The following ANO3 variants were observed in gnomAD, a reference collection of about 807,000 sequenced individuals.
The protein encoded by ANO3 is anoctamin 3, also known as anoctamin-3.
In ANO3, 99 loss-of-function variants were observed where a neutral mutation model predicts 144.8. The ratio of observed to expected loss-of-function variants is 0.68; its 90% CI spans 0.58 to 0.81. The LOEUF (loss-of-function observed/expected upper bound fraction) is 0.81. Ranked by LOEUF, ANO3 falls within the 30% of genes least tolerant of loss-of-function variation. The pLI, the probability that ANO3 is intolerant of heterozygous loss-of-function variation, is 0.00. For synonymous variants in ANO3, 414 were observed against 392.6 expected (o/e 1.05, Z -0.64); for missense variants, 905 against 1,202.2 (o/e 0.75, Z 3.66).
Position 26,464,429 on chromosome 11 carries a change from G to A in ANO3, c.432+1281G>A, listed in dbSNP as rs560411055. The stretch of plus-strand genomic sequence containing the variant: ...AGAAATTAAGATGTTGTTTCTTAAT[G>A]TGCATATAGCACTGACTGGAAGACA... On this transcript the variant is annotated intron_variant, in intron 4 of 26. Coordinates refer to ENST00000256737, the MANE Select transcript of ANO3 (RefSeq NM_031418.4). 4.6e-5 allele frequency among the ~76,000 whole-genome samples: 7 copies of A among 151,866 alleles called. No individual in the cohort carries two copies. The South Asian group carries it at 1.4e-3, about 31-fold the overall frequency.
chr11:26,638,917 A>AT (rs1853055014), intron 20 of ANO3, among the ~76,000 whole-genome samples: 1 of 152,276 alleles, frequency 6.6e-6, no homozygotes, highest in Admixed American at 6.5e-5. Flanking sequence ...TAAAAGTTAG[A>AT]TTTTTTGTTA....
At position 26,416,935 on chromosome 11, in the gene ANO3, A is replaced by G. The variant is rs1375680640; in HGVS notation, c.47-24983A>G. 2.0e-5 allele frequency among the ~76,000 whole-genome samples: 3 copies of G among 152,086 alleles called. No homozygotes were observed. In the East Asian group the frequency reaches 5.8e-4, roughly 29 times the overall value. ...AGGTGTGGTCTAAATTGGCTAAACT[A>G]TCCTCTAATAGTTTTACTGTTTTCA... On this transcript the variant is annotated intron_variant, in intron 1 of 26. Transcript: ENST00000256737.
chr11:26,214,630 G>T (rs2133786324), intron 1 of ANO3, among the ~76,000 whole-genome samples: 1 of 151,798 alleles, frequency 6.6e-6, no homozygotes, highest in Non-Finnish European at 1.5e-5. Context: ...ACAGATTTAG[G>T]TTTACAGAAA....
intron 1 of ANO3, among the ~76,000 whole-genome samples, chr11:26,303,745 A>G (rs1312295089): frequency 6.6e-6 from 1 of 152,160 alleles, no homozygotes; most frequent in Non-Finnish European, 1.5e-5. Flanking sequence ...TTTTAGATGG[A>G]GTCTAGCACT....
At chr11:26,614,075 C>G (rs1458767560) in intron 17 of ANO3, among the ~76,000 whole-genome samples, 1 of 152,208 alleles carries the variant, frequency 6.6e-6, no homozygotes, top group African/African-American at 2.4e-5. Context: ...CTGTAGCAAG[C>G]TGTCCTGGGG....
chr11:26,464,240 G>C (rs408348), intron 4 of ANO3, among the ~76,000 whole-genome samples: 150,385 of 151,776 alleles, frequency 0.99, 74,514 homozygotes, highest in Middle Eastern at 1. Context: ...AATTGCATCA[G>C]TATTATGGGC....
chr11:26,597,917 TCTC>T (rs1237293222), intron 14 of ANO3, among the ~76,000 whole-genome samples: 1 of 152,210 alleles, frequency 6.6e-6, no homozygotes, highest in African/African-American at 2.4e-5. Flanking sequence ...TTTCTTTTCT[TCTC>T]CTTCACCACG....
At chr11:26,543,697 G>A (rs1849704195) in intron 11 of ANO3, among the ~76,000 whole-genome samples, 1 of 152,118 alleles carries the variant, frequency 6.6e-6, no homozygotes, top group Non-Finnish European at 1.5e-5. Context: ...CTATGAGTGA[G>A]AACATGTGGT....
intron 1 of ANO3, among the ~76,000 whole-genome samples, chr11:26,246,128 A>C (rs140460798): frequency 2.2e-3 from 328 of 152,260 alleles, no homozygotes; most frequent in Admixed American, 5.5e-3. Context: ...ACCTTAAGGC[A>C]TCTTCAGTTC....
intron 5 of ANO3, among the ~76,000 whole-genome samples, chr11:26,510,500 A>T (rs190131252): frequency 1.3e-5 from 2 of 152,194 alleles, no homozygotes; most frequent in South Asian, 4.1e-4. Context: ...TCTCCTCCAT[A>T]CAAATAGAAT....
chr11:26,358,772 T>C (rs1855851812), intron 1 of ANO3, among the ~76,000 whole-genome samples: 1 of 152,084 alleles, frequency 6.6e-6, no homozygotes, highest in Admixed American at 6.6e-5. Flanking sequence ...CCACTCATGC[T>C]CTTTTTAAAA....
At chr11:26,660,144 A>T in intron 26 of ANO3, 118 bp from the exon 27 acceptor site, 1 of 822,084 alleles carries the variant, frequency 1.2e-6, no homozygotes, top group Non-Finnish European at 2.0e-6. Flanking sequence ...TCTAAATGGT[A>T]CATACTAAGT....
At chr11:26,580,569 G>GA (rs1238648701) in intron 14 of ANO3, among the ~76,000 whole-genome samples, 1 of 152,194 alleles carries the variant, frequency 6.6e-6, no homozygotes, top group African/African-American at 2.4e-5. Flanking sequence ...AGAGCCAAAA[G>GA]AAGGCTCTGA....
At chr11:26,548,420 T>C (rs1849844741) in intron 12 of ANO3, among the ~76,000 whole-genome samples, 1 of 151,928 alleles carries the variant, frequency 6.6e-6, no homozygotes, top group Non-Finnish European at 1.5e-5. Flanking sequence ...GAAAAATATC[T>C]CTCCCCTTTC....
chr11:26,245,282 G>A (rs543572287), intron 1 of ANO3, among the ~76,000 whole-genome samples: 40 of 152,158 alleles, frequency 2.6e-4, no homozygotes, highest in Non-Finnish European at 4.9e-4. Flanking sequence ...CTTTGCAAAG[G>A]CATTCTTCCC....
intron 24 of ANO3, among the ~76,000 whole-genome samples, chr11:26,650,753 A>G (rs1853505893): frequency 6.6e-6 from 1 of 152,196 alleles, no homozygotes; most frequent in African/African-American, 2.4e-5. Flanking sequence ...GGAAGTGTGC[A>G]TAAACCACTT....
chr11:26,236,646 G>A (rs549246187), intron 1 of ANO3, among the ~76,000 whole-genome samples: 5 of 151,872 alleles, frequency 3.3e-5, no homozygotes, highest in South Asian at 2.1e-4. Context: ...GTGAAACCCT[G>A]TCTCTACTAA....
At chr11:26,569,013 G>A (rs1001119511) in intron 14 of ANO3, among the ~76,000 whole-genome samples, 8 of 151,980 alleles carry the variant, frequency 5.3e-5, no homozygotes, top group South Asian at 2.1e-4. Context: ...CCAGTGGGGG[G>A]AAAAATGTCC....
rs189406380 is a variant in ANO3, at chr11:26,592,883, G to A, written c.1448-5482G>A. Among the ~76,000 whole-genome samples the A allele has an allele frequency of 2.4e-4, 36 of 152,154 alleles. No homozygotes were observed. The East Asian group carries it at 6.2e-3, about 26-fold the overall frequency. On this transcript the variant is annotated intron_variant, in intron 14 of 26. Transcript: ENST00000256737. ...TGAGGGGAGGAAACTATGTCCTCTC[G>A]TGAGTTTCCCCATTCTGTTTCTTTT...
Sources: allele counts gnomAD v4.1 joint callset (sites outside exome capture counted in the v4.1 genomes callset), GRCh38; gene constraint gnomAD v4.1.1; transcripts MANE v1.5; gene names NCBI Gene and HGNC (gene_info 2026-07-23, HGNC 2026-07-21).